The following MATCAP2 variants were observed in gnomAD, a reference collection of about 807,000 sequenced individuals.
MATCAP2 encodes the protein putative tyrosine carboxypeptidase MATCAP2.
the MATCAP2 span, chr7:36,326,874 G>C: frequency 0.011 from 17,194 of 1,613,642 alleles, 699 homozygotes; most frequent in Admixed American, 0.13. Context: ...TCATGTTTTC[G>C]GTAACTGCCA....
chr7:36,344,612 T>C, the MATCAP2 span, among the ~76,000 whole-genome samples: 1 of 152,240 alleles, frequency 6.6e-6, no homozygotes, highest in Non-Finnish European at 1.5e-5. Flanking sequence ...CACTATCTAA[T>C]TACCTTTTCC....
the MATCAP2 span, chr7:36,325,380 T>G: frequency 6.6e-6 from 1 of 152,228 alleles, no homozygotes; most frequent in African/African-American, 2.4e-5. Context: ...GCAACATTCT[T>G]CTTTGAGGCA....
chr7:36,366,908 G>A, the MATCAP2 span: 1 of 1,453,384 alleles, frequency 6.9e-7, no homozygotes, highest in Admixed American at 2.9e-5. Context: ...GCCCTTCCCG[G>A]CACTCACCCG....
chr7:36,380,633 C>T, the MATCAP2 span, among the ~76,000 whole-genome samples: 4 of 152,276 alleles, frequency 2.6e-5, no homozygotes, highest in East Asian at 1.9e-4. Flanking sequence ...CAAGAAAGGA[C>T]GATGGCAGGA....
the MATCAP2 span, among the ~76,000 whole-genome samples, chr7:36,355,033 T>C: frequency 2.6e-5 from 4 of 152,176 alleles, no homozygotes; most frequent in Admixed American, 6.5e-5. Context: ...TAAGGAATAC[T>C]GGTAAATAAA....
the MATCAP2 span, chr7:36,383,875 G>C: frequency 6.2e-7 from 1 of 1,603,960 alleles, no homozygotes; most frequent in Non-Finnish European, 8.5e-7. Flanking sequence ...TAGAGAACTT[G>C]AGTTTAGCTC....
At chr7:36,346,114 T>G in the MATCAP2 span, among the ~76,000 whole-genome samples, 8 of 151,914 alleles carry the variant, frequency 5.3e-5, no homozygotes, top group South Asian at 2.1e-4. Flanking sequence ...TCACTCCCAC[T>G]GGGATGTCTA....
chr7:36,356,822 T>A, the MATCAP2 span: 3 of 1,164,030 alleles, frequency 2.6e-6, no homozygotes, highest in South Asian at 3.7e-5. Context: ...TTTTTAAATG[T>A]CTTTGTTTTT....
chr7:36,335,184 G>T, the MATCAP2 span: 15 of 1,613,168 alleles, frequency 9.3e-6, no homozygotes, highest in Non-Finnish European at 1.2e-5. Flanking sequence ...ACAATCTAAG[G>T]GGCAAGAGAA....
chr7:36,387,200 T>C, the MATCAP2 span, among the ~76,000 whole-genome samples: 1 of 152,164 alleles, frequency 6.6e-6, no homozygotes. Context: ...TATGGATATA[T>C]ATGTAGATGT....
At chr7:36,358,197 T>TA in the MATCAP2 span, among the ~76,000 whole-genome samples, 5,815 of 144,076 alleles carry the variant, frequency 0.04, 114 homozygotes, top group Middle Eastern at 0.069. Flanking sequence ...GACCCTATCT[T>TA]AAAAAAAAAA....
At chr7:36,367,066 C>T in the MATCAP2 span, 1 of 1,274,828 alleles carries the variant, frequency 7.8e-7, no homozygotes, top group East Asian at 3.3e-5. Context: ...CGGCTCTCCG[C>T]TACCTGGAGC....
At chr7:36,352,617 C>T in the MATCAP2 span, among the ~76,000 whole-genome samples, 5 of 151,846 alleles carry the variant, frequency 3.3e-5, no homozygotes, top group African/African-American at 1.2e-4. Context: ...CACTTGAGGT[C>T]AGGAGTTCGA....
chr7:36,389,898 G>T, the MATCAP2 span: 2 of 1,541,456 alleles, frequency 1.3e-6, no homozygotes, highest in South Asian at 1.1e-5. Flanking sequence ...GAGGACAGCT[G>T]GTTGTGGGAG....
chr7:36,343,971 G>A, the MATCAP2 span, among the ~76,000 whole-genome samples: 2 of 152,078 alleles, frequency 1.3e-5, no homozygotes, highest in African/African-American at 4.8e-5. Context: ...CTGGAGACAC[G>A]GTTCAGGGAA....
the MATCAP2 span, among the ~76,000 whole-genome samples, chr7:36,371,811 A>C: frequency 6.6e-6 from 1 of 151,936 alleles, no homozygotes; most frequent in Non-Finnish European, 1.5e-5. Flanking sequence ...CCCAGGCTGG[A>C]GTGCAGTGGC....
At chr7:36,337,013 T>C in the MATCAP2 span, among the ~76,000 whole-genome samples, 1 of 141,588 alleles carries the variant, frequency 7.1e-6, no homozygotes, top group African/African-American at 2.6e-5. Flanking sequence ...GAAGAATCCT[T>C]GCACAACCCA....
the MATCAP2 span, chr7:36,366,999 G>A: frequency 2.3e-6 from 3 of 1,313,978 alleles, no homozygotes; most frequent in South Asian, 6.9e-5. Flanking sequence ...GGCCGCGCAG[G>A]GGCGGGCGGC....
At chr7:36,363,401 TAATG>T in the MATCAP2 span, among the ~76,000 whole-genome samples, 5 of 152,248 alleles carry the variant, frequency 3.3e-5, no homozygotes, top group African/African-American at 1.2e-4. Flanking sequence ...AGCATTTTGT[TAATG>T]AATGAACTAG....
Sources: allele counts gnomAD v4.1 joint callset (sites outside exome capture counted in the v4.1 genomes callset), GRCh38; gene constraint gnomAD v4.1.1; transcripts MANE v1.5; gene names NCBI Gene and HGNC (gene_info 2026-07-23, HGNC 2026-07-21).